The following SRGAP2 variants were observed in gnomAD, a reference collection of about 807,000 sequenced individuals.
SRGAP2 encodes the protein SLIT-ROBO Rho GTPase-activating protein 2.
Under a neutral mutation model 57.2 loss-of-function variants are expected in SRGAP2, and 15 were observed. The observed-to-expected ratio is 0.26, with a 90% CI of 0.18 to 0.40. SRGAP2 has a LOEUF of 0.40. Among genes scored for constraint, SRGAP2 ranks in the 10% least tolerant of loss-of-function variants. The pLI is 1.00. For synonymous variants in SRGAP2, 249 were observed against 248.0 expected (o/e 1.00, Z -0.04); for missense variants, 520 against 669.6 (o/e 0.78, Z 2.47).
At chr1:206,263,651 T>C (rs1391048816) in intron 2 of SRGAP2, among the ~76,000 whole-genome samples, 1 of 151,812 alleles carries the variant, frequency 6.6e-6, no homozygotes, top group Non-Finnish European at 1.5e-5. Flanking sequence ...ACTGCCTTAA[T>C]AGTCATTTAA....
intron 2 of SRGAP2, among the ~76,000 whole-genome samples, chr1:206,283,246 T>C (rs1282758200): frequency 4.6e-5 from 7 of 150,838 alleles, no homozygotes; most frequent in African/African-American, 1.7e-4. Flanking sequence ...ACATTGCAAT[T>C]ACTTCTTATG....
At chr1:206,283,362 T>A (rs2102693803) in intron 2 of SRGAP2, among the ~76,000 whole-genome samples, 1 of 151,774 alleles carries the variant, frequency 6.6e-6, no homozygotes, top group African/African-American at 2.4e-5. Context: ...TAGACTGGTA[T>A]TTCCCAACAT....
At chr1:206,389,054 C>A (rs1656624488) in intron 5 of SRGAP2, among the ~76,000 whole-genome samples, 1 of 152,112 alleles carries the variant, frequency 6.6e-6, no homozygotes. Flanking sequence ...CTATCCTCAG[C>A]TGAACCTTGT....
At chr1:206,232,126 C>T (rs1571628473) in intron 2 of SRGAP2, among the ~76,000 whole-genome samples, 2 of 151,762 alleles carry the variant, frequency 1.3e-5, no homozygotes, top group Admixed American at 6.6e-5. Flanking sequence ...TCTGGTCAGG[C>T]GGCTGCGTTC....
chr1:206,285,820 C>T (rs1670992765), intron 2 of SRGAP2, among the ~76,000 whole-genome samples: 1 of 152,060 alleles, frequency 6.6e-6, no homozygotes, highest in Non-Finnish European at 1.5e-5. Context: ...GGTGCACCAC[C>T]ATGCCTGGCT....
intron 2 of SRGAP2, among the ~76,000 whole-genome samples, chr1:206,210,557 C>T (rs1666255365): frequency 6.7e-6 from 1 of 148,276 alleles, no homozygotes; most frequent in Non-Finnish European, 1.5e-5. Flanking sequence ...TTTCAGGACC[C>T]TTCAAGAGCA....
intron 17 of SRGAP2, among the ~76,000 whole-genome samples, chr1:206,440,478 C>A (rs1470678264): frequency 6.6e-6 from 1 of 151,958 alleles, no homozygotes; most frequent in Admixed American, 6.6e-5. Flanking sequence ...AAGAGTGCCA[C>A]GGGGCCATTT....
At chr1:206,327,996 C>T (rs1286137679) in intron 3 of SRGAP2, among the ~76,000 whole-genome samples, 1 of 131,470 alleles carries the variant, frequency 7.6e-6, no homozygotes, top group Non-Finnish European at 1.5e-5. Flanking sequence ...TGTGATATTC[C>T]CCTTCCTGTG....
At chr1:206,451,879 T>C (rs12751143) in intron 19 of SRGAP2, among the ~76,000 whole-genome samples, 30,011 of 152,098 alleles carry the variant, frequency 0.2, 3,183 homozygotes, top group South Asian at 0.28. Flanking sequence ...CAGCCTCCTA[T>C]AGTGAAATCT....
intron 19 of SRGAP2, among the ~76,000 whole-genome samples, chr1:206,452,678 GGAGATCAA>G (rs1553376370): frequency 2.6e-5 from 4 of 152,042 alleles, no homozygotes; most frequent in African/African-American, 4.8e-5. Flanking sequence ...CACGAGGTCA[GGAGATCAA>G]GACCATCCTG....
At chr1:206,230,103 G>A (rs1413864346) in intron 2 of SRGAP2, among the ~76,000 whole-genome samples, 4 of 152,160 alleles carry the variant, frequency 2.6e-5, no homozygotes, top group African/African-American at 9.7e-5. Flanking sequence ...TGAACTATTT[G>A]TCCCTTCGTA....
intron 14 of SRGAP2, 118 bp from the exon 15 acceptor site, chr1:206,436,845 AAG>A (rs1661803506): frequency 2.8e-6 from 2 of 723,022 alleles, no homozygotes; most frequent in African/African-American, 3.5e-5. Flanking sequence ...TGGCCTAAAG[AAG>A]AGAGACAGCG....
intron 5 of SRGAP2, among the ~76,000 whole-genome samples, chr1:206,385,990 G>A (rs1204539225): frequency 6.6e-5 from 10 of 152,238 alleles, no homozygotes; most frequent in Non-Finnish European, 1.2e-4. Flanking sequence ...GGAAAAAAAA[G>A]AGTAGAGGCA....
At chr1:206,301,324 C>T (rs1222922336) in intron 2 of SRGAP2, among the ~76,000 whole-genome samples, 3 of 152,018 alleles carry the variant, frequency 2.0e-5, no homozygotes, top group Non-Finnish European at 2.9e-5. Context: ...CGTGAGCCAC[C>T]GCGCCTGGCA....
chr1:206,370,199 G>A (rs1185096123), intron 4 of SRGAP2, among the ~76,000 whole-genome samples: 85 of 152,106 alleles, frequency 5.6e-4, no homozygotes, highest in South Asian at 2.3e-3. Flanking sequence ...CCAGGAGGCG[G>A]AGCTTGCAGT....
chr1:206,415,210 G>C (rs1553361165), intron 10 of SRGAP2, among the ~76,000 whole-genome samples: 1 of 152,230 alleles, frequency 6.6e-6, no homozygotes. Flanking sequence ...AAATCTGAAA[G>C]TGCAGCACAG....
At chr1:206,290,627 G>A (rs1304531498) in intron 2 of SRGAP2, among the ~76,000 whole-genome samples, 1 of 126,224 alleles carries the variant, frequency 7.9e-6, no homozygotes, top group African/African-American at 3.3e-5. Flanking sequence ...GGGCAACAGA[G>A]CGAGACTCCA....
In SRGAP2 at chr1:206,454,226, C is replaced by T. The variant is rs1663613345; in HGVS notation, c.2361-652C>T. On this transcript the variant is annotated intron_variant, in intron 20 of 22. Coordinates refer to ENST00000573034, the MANE Select transcript of SRGAP2 (RefSeq NM_015326.5). The surrounding 1 kb of genome is among the most constrained non-coding windows in gnomAD (Gnocchi z 4.3). Reference sequence around the variant, plus strand: ...GAAATCCTCCCTCTGTTGATAGCATCGCAAACCTGGTGGCAATCTGTGCGT... The same window carrying T: ...GAAATCCTCCCTCTGTTGATAGCATTGCAAACCTGGTGGCAATCTGTGCGT... The T allele has an allele frequency of 4.3e-6, 3 of 702,162 alleles. No homozygotes were observed. Among genetic ancestry groups the T allele is most frequent in the Non-Finnish European group, 7.8e-6 (3 of 384,806 alleles). 43.5% of individuals were successfully genotyped at this position (702,162 alleles called of 1,614,324 possible).
intron 3 of SRGAP2, among the ~76,000 whole-genome samples, chr1:206,304,548 A>G (rs1672077138): frequency 1.3e-5 from 2 of 152,174 alleles, no homozygotes; most frequent in Non-Finnish European, 2.9e-5. Context: ...AAAGTTTACA[A>G]ATTTCCATTG....
Sources: allele counts gnomAD v4.1 joint callset (sites outside exome capture counted in the v4.1 genomes callset), GRCh38; gene constraint gnomAD v4.1.1; non-coding constraint Gnocchi (gnomAD v3.1); transcripts MANE v1.5; gene names NCBI Gene and HGNC (gene_info 2026-07-23, HGNC 2026-07-21).